Variants in CCHCR1 observed in about 807,000 individuals in gnomAD.
CCHCR1 encodes the protein HCR (a-helix coiled-coil rod homologue).
A neutral mutation model predicts 114.6 loss-of-function variants in CCHCR1; 91 were observed. That is an observed-to-expected ratio of 0.79 (90% CI 0.67 to 0.94). The LOEUF (loss-of-function observed/expected upper bound fraction) is 0.94, where lower values mean the gene tolerates loss of function less well. CCHCR1 is among the 40% of genes least tolerant of loss of function. CCHCR1 has a pLI of 0.00. For synonymous variants in CCHCR1, 379 were observed against 428.5 expected (o/e 0.88, Z 1.43); for missense variants, 899 against 1,079.9 (o/e 0.83, Z 2.35).
chr6:31,143,165 A>C lies in CCHCR1; in HGVS notation c.2320-31T>G. The C allele has an allele frequency of 6.2e-7, 1 of 1,611,580 alleles. No individual in the cohort carries two copies. The highest frequency in any genetic ancestry group is 8.5e-7 in the Non-Finnish European group (1 of 1,179,240). ...AAGGAGAGGGTTAAACCTAGCCCGG[A>C]TAGAGCCTCCCTCACCATCCTCTTT... is the stretch of plus-strand genomic sequence containing the variant. On this transcript the variant is annotated intron_variant, in intron 16 of 17. Coordinates refer to ENST00000396268, the MANE Select transcript of CCHCR1 (RefSeq NM_001105564.2). This position sits in a 1 kb window ranked among gnomAD's most constrained non-coding sequence, Gnocchi z 5.3.
In CCHCR1 at chr6:31,150,489, A is replaced by G. The variant is rs1441580515; in HGVS notation, c.1178T>C (p.Ile393Thr). 7 of 1,612,362 alleles carry G rather than the reference A, an allele frequency of 4.3e-6. No homozygotes were observed. Among genetic ancestry groups the G allele is most frequent in the Non-Finnish European group, 5.9e-6 (7 of 1,179,900 alleles). ...CAGCTCCTCCTCCTGCAGGGCGAGG[A>G]TGTGTGTGAGGCTCTGCACCCGCAC... ...LQVRVQSLTH[I>T]LALQEEELTR... is the part of the protein sequence containing the mutation. The change falls in exon 7 of 18, where the codon ATC becomes ACC. Residue 393 changes from isoleucine to threonine, a missense_variant. Coordinates refer to ENST00000396268, the MANE Select transcript of CCHCR1 (RefSeq NM_001105564.2). This position sits in a 1 kb window ranked among gnomAD's most constrained non-coding sequence, Gnocchi z 5.3.
intron 10 of CCHCR1, 141 bp downstream of exon 10, chr6:31,148,264 T>G: frequency 1.6e-6 from 1 of 636,210 alleles, no homozygotes; most frequent in Non-Finnish European, 2.9e-6. Context: ...ACAGGAACAT[T>G]GATAGAGCTA....
Position 31,151,018 on chromosome 6 carries a change from C to A in CCHCR1, c.906G>T (p.Gly302=). 6.2e-7 allele frequency: 1 copy of A among 1,613,086 alleles called. No homozygotes were observed. Among genetic ancestry groups the A allele is most frequent in the Non-Finnish European group, 8.5e-7 (1 of 1,180,032 alleles). Residue 302 remains glycine, a synonymous_variant, in exon 5 of 18, where the codon GGG becomes GGT. Transcript: ENST00000396268. The surrounding 1 kb of genome is among the most constrained non-coding windows in gnomAD (Gnocchi z 4.1). ...SLSSLETRRA[G]EAKELAEAQR... Reference sequence around the variant, plus strand: ...GAGCCTCGGCCAGCTCCTTGGCTTCCCCTGCTCTTCTGGTTTCCAGACTAC... The same window carrying A: ...GAGCCTCGGCCAGCTCCTTGGCTTCACCTGCTCTTCTGGTTTCCAGACTAC...
Position 31,143,166 on chromosome 6 carries a change from T to G in CCHCR1, c.2320-32A>C, listed in dbSNP as rs770696980. 3.2e-5 allele frequency: 52 copies of G among 1,611,454 alleles called. No homozygotes were observed. Among genetic ancestry groups the G allele is most frequent in the Admixed American group, 5.0e-5 (3 of 59,938 alleles). On this transcript the variant is annotated intron_variant, in intron 16 of 17. Transcript: ENST00000396268. The surrounding 1 kb of genome is among the most constrained non-coding windows in gnomAD (Gnocchi z 5.3). ...AGGAGAGGGTTAAACCTAGCCCGGA[T>G]AGAGCCTCCCTCACCATCCTCTTTC...
chr6:31,157,185 T>C (rs770593413), intron 1 of CCHCR1, 96 bp from the exon 2 acceptor site: 3 of 1,130,838 alleles, frequency 2.7e-6, no homozygotes, highest in Non-Finnish European at 4.0e-6. Flanking sequence ...ATCCTTGAAT[T>C]ATAGCCAGGT....
Position 31,143,365 on chromosome 6 carries a change from CG to C in CCHCR1, c.2215del (p.Arg739GlyfsTer27). On this transcript the variant is annotated frameshift_variant, in exon 16 of 18. Coordinates refer to ENST00000396268, the MANE Select transcript of CCHCR1 (RefSeq NM_001105564.2). LOFTEE classifies it high-confidence loss of function. This position sits in a 1 kb window ranked among gnomAD's most constrained non-coding sequence, Gnocchi z 5.3. ...CTGCAGACGCCTGAGTTCCTGGCTC[CG>C]CTCCTTTTCCTGGGCGGCTCTGCGC... ...IQRRAAQEKERSQELRRLQEE... is the reference protein window; with the variant it reads ...IQRRAAQEKEXSQELRRLQEE... 6.2e-7 allele frequency: 1 copy of C among 1,612,970 alleles called. No homozygotes were observed. The highest frequency in any genetic ancestry group is 8.5e-7 in the Non-Finnish European group (1 of 1,180,050).
Position 31,142,734 on chromosome 6 carries a change from A to C in CCHCR1, c.2492-18T>G. 1.2e-6 allele frequency: 2 copies of C among 1,600,262 alleles called. No individual in the cohort carries two copies. The highest frequency in any genetic ancestry group is 1.7e-6 in the Non-Finnish European group (2 of 1,172,620). ...GAGGGACCCTGGGAAGGAAGACAGC[A>C]GATGAGCACCAGACAAGGGAAGGTG... is the stretch of plus-strand genomic sequence containing the variant. On this transcript the variant is annotated intron_variant, in intron 17 of 17. Transcript: ENST00000396268.
chr6:31,145,589 A>G, intron 11 of CCHCR1, 96 bp from the exon 12 acceptor site: 1 of 1,449,770 alleles, frequency 6.9e-7, no homozygotes, highest in Non-Finnish European at 9.7e-7. Context: ...GGACTGGTGA[A>G]AGGAGGAAGG....
intron 8 of CCHCR1, 85 bp downstream of exon 8, chr6:31,149,981 A>G: frequency 8.3e-6 from 9 of 1,083,314 alleles, no homozygotes; most frequent in African/African-American, 1.9e-5. Context: ...CAACCACTCA[A>G]TAAACACTGG....
In CCHCR1 at chr6:31,157,410, C is replaced by G. The variant is rs756217831; in HGVS notation, c.191G>C (p.Arg64Thr). The G allele has an allele frequency of 1.2e-6, 2 of 1,613,060 alleles. No homozygotes were observed. Among genetic ancestry groups the G allele is most frequent in the East Asian group, 2.2e-5 (1 of 44,880 alleles). Reference sequence around the variant, plus strand: ...CCTCCTCCTTAAGTTTCTATGGTCCCTGCTGCTCCTGGCCAGAGGTGAGAA... The same window carrying G: ...CCTCCTCCTTAAGTTTCTATGGTCCGTGCTGCTCCTGGCCAGAGGTGAGAA... ...PPFSPLARSS[R>T]DHRNLRRRGN... Residue 64 changes from arginine to threonine, a missense_variant, in exon 1 of 18, where the codon AGG (arginine) becomes ACG (threonine). Coordinates refer to ENST00000396268, the MANE Select transcript of CCHCR1 (RefSeq NM_001105564.2).
Position 31,145,316 on chromosome 6 carries a change from G to T in CCHCR1, c.1740-14C>A. 6.2e-7 allele frequency: 1 copy of T among 1,613,792 alleles called. No homozygotes were observed. The highest frequency in any genetic ancestry group is 8.5e-7 in the Non-Finnish European group (1 of 1,179,830). On this transcript the variant is annotated splice_polypyrimidine_tract_variant and intron_variant, in intron 12 of 17. Transcript: ENST00000396268. ...GGTAGGGGACAGCTGGGACGGGGAA[G>T]AGAAAGAGTCAGAAGAAATCACCCA...
At chr6:31,147,591 G>T (rs908224809) in intron 10 of CCHCR1, among the ~76,000 whole-genome samples, 3 of 152,114 alleles carry the variant, frequency 2.0e-5, no homozygotes, top group Admixed American at 2.0e-4. Context: ...AATTGATTTA[G>T]AAGGAAACTA....
chr6:31,142,495 G>T lies in CCHCR1; in HGVS notation c.*97C>A. On this transcript the variant is annotated 3_prime_UTR_variant, in exon 18 of 18. Transcript: ENST00000396268. The stretch of plus-strand genomic sequence containing the variant: ...ATTCAGACTCAGCTGGTATCCCCCA[G>T]GGCAACCCCAGGATGGGGAAGGGCT... The T allele has an allele frequency of 8.3e-7, 1 of 1,200,126 alleles. No homozygotes were observed. The allele number at this position is 1,200,126 out of a possible 1,614,324, so 74.3% of individuals were successfully genotyped here.
Position 31,154,892 on chromosome 6 carries a change from C to G in CCHCR1, c.498-93G>C. On this transcript the variant is annotated intron_variant, in intron 3 of 17. Coordinates refer to ENST00000396268, the MANE Select transcript of CCHCR1 (RefSeq NM_001105564.2). This position sits in a 1 kb window ranked among gnomAD's most constrained non-coding sequence, Gnocchi z 4.1. The stretch of plus-strand genomic sequence containing the variant: ...ATAGCCAGGAGAAGGAAAAGAGGAC[C>G]CCTCTGCTTCCGTGTGGGGAGGTGA... 8.3e-7 allele frequency: 1 copy of G among 1,211,984 alleles called. No individual in the cohort carries two copies. The highest frequency in any genetic ancestry group is 2.6e-5 in the East Asian group (1 of 39,170). The allele number at this position is 1,211,984 out of a possible 1,614,324, so 75.1% of individuals were successfully genotyped here.
At position 31,144,729 on chromosome 6, in the gene CCHCR1, C is replaced by T. The variant is rs772907679; in HGVS notation, c.2125G>A (p.Glu709Lys). The T allele has an allele frequency of 1.4e-5, 22 of 1,613,586 alleles. No homozygotes were observed. The highest frequency in any genetic ancestry group is 1.8e-5 in the Non-Finnish European group (21 of 1,179,722). The change falls in exon 15 of 18, where the codon GAG becomes AAG. Residue 709 changes from glutamate (E) to lysine (K), a missense_variant. By Grantham distance (56) the Glu-to-Lys change is moderately conservative. Transcript: ENST00000396268. This position sits in a 1 kb window ranked among gnomAD's most constrained non-coding sequence, Gnocchi z 4.6. ...CTCCGAGCCTCGTTCAGCCTCCTCT[C>T]TGTGTCTGAGAGTTGCTCCCGCAGC... ...TRLREQLSDT[E>K]RRLNEARREH...
At chr6:31,147,751 G>A (rs945300741) in intron 10 of CCHCR1, among the ~76,000 whole-genome samples, 2 of 152,136 alleles carry the variant, frequency 1.3e-5, no homozygotes, top group Non-Finnish European at 2.9e-5. Flanking sequence ...TGGATCACCT[G>A]AGGTCAGGAG....
rs745651675 is a variant in CCHCR1, at chr6:31,151,029, T to G, written c.895A>C (p.Arg299=). 3 of 1,613,102 alleles carry G rather than the reference T, an allele frequency of 1.9e-6. No homozygotes were observed. The highest frequency in any genetic ancestry group is 2.5e-6 in the Non-Finnish European group (3 of 1,180,036). Residue 299 remains arginine (R), a synonymous_variant, in exon 5 of 18, where the codon AGA becomes CGA. Coordinates refer to ENST00000396268, the MANE Select transcript of CCHCR1 (RefSeq NM_001105564.2). This position sits in a 1 kb window ranked among gnomAD's most constrained non-coding sequence, Gnocchi z 4.1. ...AGCTCCTTGGCTTCCCCTGCTCTTC[T>G]GGTTTCCAGACTACTCAGAGACTTC... ...LEKSLSSLET[R]RAGEAKELAE...
In CCHCR1 at chr6:31,148,497, C is replaced by T. The variant is rs777324609; in HGVS notation, c.1488G>A (p.Glu496=). The T allele has an allele frequency of 1.4e-5, 23 of 1,612,392 alleles. No individual in the cohort carries two copies. The highest frequency in any genetic ancestry group is 1.8e-5 in the Non-Finnish European group (21 of 1,179,554). Residue 496 remains glutamate, a synonymous_variant, in exon 10 of 18, where the codon GAG becomes GAA. Coordinates refer to ENST00000396268, the MANE Select transcript of CCHCR1 (RefSeq NM_001105564.2). ...GCCTGGCCTCCTGAGCACGGCTCAG[C>T]TCCAACTGCAGGCCCTGGGGAGGAT... ...ERMGAKGLQL[E]LSRAQEARRR...
rs1356874082 is a variant in CCHCR1, at chr6:31,143,194, C to T, written c.2320-60G>A. On this transcript the variant is annotated intron_variant, in intron 16 of 17. Transcript: ENST00000396268. The surrounding 1 kb of genome is among the most constrained non-coding windows in gnomAD (Gnocchi z 5.3). ...AGCCTCCCTCACCATCCTCTTTCCA[C>T]ACCTCTAGCCCAGGAACCAGCCCAG... is the stretch of plus-strand genomic sequence containing the variant. 3.1e-6 allele frequency: 5 copies of T among 1,609,838 alleles called. No individual in the cohort carries two copies. The highest frequency in any genetic ancestry group is 2.2e-5 in the East Asian group (1 of 44,872).
Sources: allele counts gnomAD v4.1 joint callset (sites outside exome capture counted in the v4.1 genomes callset), GRCh38; gene constraint gnomAD v4.1.1; non-coding constraint Gnocchi (gnomAD v3.1); transcripts MANE v1.5; gene names NCBI Gene and HGNC (gene_info 2026-07-23, HGNC 2026-07-21).